The following IFT140 variants were observed in gnomAD, a reference collection of about 807,000 sequenced individuals.
IFT140 encodes the protein intraflagellar transport 140.
Under a neutral mutation model 164.6 loss-of-function variants are expected in IFT140, and 133 were observed. That is an observed-to-expected ratio of 0.81 (90% CI 0.70 to 0.93). The LOEUF (loss-of-function observed/expected upper bound fraction) is 0.93, where lower values mean the gene tolerates loss of function less well. Among genes scored for constraint, IFT140 ranks in the 40% least tolerant of loss-of-function variants. The probability of loss-of-function intolerance (pLI) is 0.00; values close to 1 mark genes in which losing one functional copy is unlikely to be tolerated. For missense variants in IFT140, 2,045 were observed against 1,972.3 expected (o/e 1.04, Z -0.70); for synonymous variants, 860 against 817.3 (o/e 1.05, Z -0.89).
At chr16:1,601,094 C>G (rs747389221) in intron 4 of IFT140, among the ~76,000 whole-genome samples, 15 of 152,126 alleles carry the variant, frequency 9.9e-5, no homozygotes, top group Non-Finnish European at 2.2e-4. Context: ...GAAACCCCGT[C>G]TCTACTAAAC....
chr16:1,536,823 G>A (rs139195664), intron 19 of IFT140, among the ~76,000 whole-genome samples: 6 of 152,300 alleles, frequency 3.9e-5, no homozygotes, highest in Admixed American at 2.6e-4. Flanking sequence ...CTCCCACGGG[G>A]TGGCCCCTCT....
In IFT140 at chr16:1,511,033, T is replaced by C. The variant is rs761959670; in HGVS notation, c.4300A>G (p.Thr1434Ala). 5 of 1,605,762 alleles carry C rather than the reference T, an allele frequency of 3.1e-6. No homozygotes were observed. The highest frequency in any genetic ancestry group is 4.3e-6 in the Non-Finnish European group (5 of 1,176,134). Residue 1434 changes from threonine to alanine, a missense_variant, in exon 31 of 31, where the codon ACC (threonine) becomes GCC (alanine). Transcript: ENST00000426508. ...HRGLGLPLPR[T>A]VPEQVRHNSM... ...TTGTGGCGGACCTGCTCGGGGACGG[T>C]GCGTGGCAGTGGGAGACCCAGCCCC...
chr16:1,582,458 A>C (rs1048046923), intron 12 of IFT140, among the ~76,000 whole-genome samples: 2 of 152,232 alleles, frequency 1.3e-5, no homozygotes, highest in African/African-American at 2.4e-5. Context: ...ACTTCTGTCC[A>C]GTGAAAAGTG....
chr16:1,522,819 C>G (rs922639820), intron 26 of IFT140, among the ~76,000 whole-genome samples: 8 of 152,152 alleles, frequency 5.3e-5, no homozygotes, highest in African/African-American at 1.9e-4. Context: ...GCCTTTCCAC[C>G]CTTAGTAGCC....
At chr16:1,597,880 C>A (rs2035543107) in intron 4 of IFT140, among the ~76,000 whole-genome samples, 1 of 152,168 alleles carries the variant, frequency 6.6e-6, no homozygotes, top group South Asian at 2.1e-4. Flanking sequence ...ACTCGGCCTC[C>A]CAAGTAGGTG....
intron 19 of IFT140, among the ~76,000 whole-genome samples, chr16:1,548,737 A>G (rs376731695): frequency 3.3e-5 from 5 of 152,208 alleles, no homozygotes; most frequent in South Asian, 4.1e-4. Context: ...GAAGGTGGGA[A>G]GGACAGAAGT....
At chr16:1,537,240 C>T (rs995640347) in intron 19 of IFT140, among the ~76,000 whole-genome samples, 3 of 151,740 alleles carry the variant, frequency 2.0e-5, no homozygotes, top group East Asian at 1.9e-4. Flanking sequence ...GGGAAGACAA[C>T]GCCACACCGC....
At chr16:1,519,518 C>G (rs576402466) in intron 29 of IFT140, among the ~76,000 whole-genome samples, 2 of 152,084 alleles carry the variant, frequency 1.3e-5, no homozygotes, top group Admixed American at 6.5e-5. Context: ...TCACCATGGT[C>G]CCCCAACCCC....
intron 19 of IFT140, among the ~76,000 whole-genome samples, chr16:1,535,870 G>A (rs1235534883): frequency 2.6e-5 from 4 of 152,236 alleles, no homozygotes; most frequent in African/African-American, 7.2e-5. Flanking sequence ...AGCTTCCACC[G>A]GCTCTCAGAA....
intron 19 of IFT140, among the ~76,000 whole-genome samples, chr16:1,544,870 G>A (rs962895448): frequency 4.0e-5 from 6 of 151,636 alleles, no homozygotes; most frequent in East Asian, 3.9e-4. Context: ...GGATGGTCTC[G>A]ATCTCCTGAC....
In IFT140 at chr16:1,518,212, T is replaced by G. The variant is rs1439771269; in HGVS notation, c.4182+4A>C. 1.9e-6 allele frequency: 3 copies of G among 1,609,844 alleles called. No homozygotes were observed. The African/African-American group carries it at 4.0e-5, about 21-fold the overall frequency. On this transcript the variant is annotated splice_donor_region_variant and intron_variant, in intron 30 of 30. Coordinates refer to ENST00000426508, the MANE Select transcript of IFT140 (RefSeq NM_014714.4). ...GCTGCTAGTGAGCAGCACTCAGGCC[T>G]CACCGTCTGGTATTCCTCCTTCCGC...
intron 4 of IFT140, among the ~76,000 whole-genome samples, chr16:1,595,168 C>G (rs929698233): frequency 6.6e-6 from 1 of 152,142 alleles, no homozygotes; most frequent in Non-Finnish European, 1.5e-5. Flanking sequence ...GCCTGTAGTC[C>G]CAGCTACTCG....
chr16:1,516,009 G>A (rs973079426), intron 30 of IFT140, among the ~76,000 whole-genome samples: 13 of 151,842 alleles, frequency 8.6e-5, no homozygotes, highest in African/African-American at 2.2e-4. Flanking sequence ...GCGTGGTGGC[G>A]CATGCCTGTA....
At chr16:1,555,002 T>G in intron 19 of IFT140, 1 of 1,612,888 alleles carries the variant, frequency 6.2e-7, no homozygotes, top group Non-Finnish European at 8.5e-7. Context: ...GGCTGGACAA[T>G]GACTACGTGG....
At chr16:1,557,880 G>A in intron 19 of IFT140, 55 bp downstream of exon 19, 6 of 1,547,986 alleles carry the variant, frequency 3.9e-6, no homozygotes, top group Non-Finnish European at 5.3e-6. Context: ...AGGGAGAAAG[G>A]AAAGAGCCGT....
chr16:1,589,576 C>A, intron 7 of IFT140, 29 bp downstream of exon 7: 1 of 1,602,748 alleles, frequency 6.2e-7, no homozygotes, highest in Non-Finnish European at 8.5e-7. Flanking sequence ...AGATCCCCAG[C>A]GTGAGCCCCC....
intron 4 of IFT140, among the ~76,000 whole-genome samples, chr16:1,600,184 G>A (rs2035718976): frequency 6.8e-6 from 1 of 146,214 alleles, no homozygotes; most frequent in African/African-American, 2.6e-5. Context: ...AACATGTGCT[G>A]TGTCCACTCA....
intron 4 of IFT140, among the ~76,000 whole-genome samples, chr16:1,600,944 C>G (rs753810286): frequency 6.6e-6 from 1 of 151,606 alleles, no homozygotes; most frequent in African/African-American, 2.4e-5. Flanking sequence ...ACTAACCAAC[C>G]AACTGACCAG....
intron 30 of IFT140, among the ~76,000 whole-genome samples, chr16:1,515,996 C>T (rs1022724506): frequency 1.3e-5 from 2 of 151,824 alleles, no homozygotes; most frequent in South Asian, 4.2e-4. Flanking sequence ...CAAAATTAGC[C>T]AGGCGTGGTG....
Sources: gnomAD v4.1 joint callset for allele counts (sites outside exome capture counted in the v4.1 genomes callset) on GRCh38, gnomAD v4.1.1 for gene constraint, MANE v1.5 for transcripts, NCBI Gene and HGNC (gene_info 2026-07-23, HGNC 2026-07-21) for gene names.